Variants in MEA1 observed in about 807,000 individuals in gnomAD.
The protein encoded by MEA1 is Male-enhanced antigen (H-Y structural gene).
In MEA1, 22 loss-of-function variants were observed where a neutral mutation model predicts 21.4. The observed-to-expected ratio is 1.03, with a 90% CI of 0.73 to 1.47. The LOEUF (loss-of-function observed/expected upper bound fraction) is 1.47, where lower values mean the gene tolerates loss of function less well. Ranked by LOEUF, MEA1 falls within the 40% of genes most tolerant of loss-of-function variation. The pLI is 0.00. For missense variants in MEA1, 233 were observed against 230.5 expected, an observed-to-expected ratio of 1.01 and a Z score of -0.07; for synonymous variants, 91 against 85.5, an observed-to-expected ratio of 1.06 and a Z score of -0.35.
chr6:43,011,600 C>A lies in MEA1; in HGVS notation c.*870G>T. On this transcript the variant is annotated 3_prime_UTR_variant, in exon 4 of 4. Transcript: ENST00000244711. The stretch of plus-strand genomic sequence containing the variant: ...CTGAGGCTGCTCTGAGAAGTACACA[C>A]AGGAATACATACGCTCCTCTATTCT... 1 of 432,584 alleles carries A rather than the reference C, an allele frequency of 2.3e-6. No individual in the cohort carries two copies. Among genetic ancestry groups the A allele is most frequent in the Non-Finnish European group, 4.2e-6 (1 of 235,762 alleles). 26.8% of individuals were successfully genotyped at this position (432,584 alleles called of 1,614,324 possible). A position where few individuals can be genotyped will look rare whatever the true frequency, so the allele number is the denominator to read the frequency against.
At chr6:43,012,848 C>G in intron 3 of MEA1, 78 bp downstream of exon 3, 1 of 1,402,468 alleles carries the variant, frequency 7.1e-7, no homozygotes, top group African/African-American at 1.4e-5. Flanking sequence ...TAGGGTCTTC[C>G]TCTGAAACTT....
At position 43,011,327 on chromosome 6, in the gene MEA1, C is replaced by G; in HGVS notation, c.*1143G>C. 1 of 1,611,650 alleles carries G rather than the reference C, an allele frequency of 6.2e-7. No homozygotes were observed. On this transcript the variant is annotated 3_prime_UTR_variant, in exon 4 of 4. Transcript: ENST00000244711. ...CCACAGGGCCACAGCCCACACAGCC[C>G]TGGGACACTGCCCTGGCCCTCCATA...
rs1371179982 is a variant in MEA1, at chr6:43,012,081, C to T, written c.*389G>A. ...AGAAAGAAGGAAGCAGGGAGCGGTG[C>T]CCCAAGCATGGCTCCTGCCAACACC... On this transcript the variant is annotated 3_prime_UTR_variant, in exon 4 of 4. Transcript: ENST00000244711. 2.1e-6 allele frequency: 1 copy of T among 474,198 alleles called. No individual in the cohort carries two copies. Among genetic ancestry groups the T allele is most frequent in the Non-Finnish European group, 2.8e-6 (1 of 360,776 alleles). The allele number at this position is 474,198 out of a possible 1,614,324, so 29.4% of individuals were successfully genotyped here.
chr6:43,012,861 T>G lies in MEA1; in HGVS notation c.406+65A>C, dbSNP rs539840834. Reference sequence around the variant, plus strand: ...GATAGGGTCTTCCTCTGAAACTTCCTTCTACTGACTCATGCCAGTTCATTT... The same window carrying G: ...GATAGGGTCTTCCTCTGAAACTTCCGTCTACTGACTCATGCCAGTTCATTT... On this transcript the variant is annotated intron_variant, in intron 3 of 3. Coordinates refer to ENST00000244711, the MANE Select transcript of MEA1 (RefSeq NM_014623.4). The G allele has an allele frequency of 7.8e-5, 115 of 1,474,442 alleles. 1 individual carries two copies. The South Asian group carries it at 1.2e-3, about 15-fold the overall frequency. The allele number at this position is 1,474,442 out of a possible 1,614,324, so 91.3% of individuals were successfully genotyped here.
Position 43,011,358 on chromosome 6 carries a change from C to A in MEA1, c.*1112G>T. Reference sequence around the variant, plus strand: ...CACTGCCCTGGCCCTCCATACTCTGCTCCCTACTGGCTGTCTTGGGGGAAG... The same window carrying A: ...CACTGCCCTGGCCCTCCATACTCTGATCCCTACTGGCTGTCTTGGGGGAAG... On this transcript the variant is annotated 3_prime_UTR_variant, in exon 4 of 4. Coordinates refer to ENST00000244711, the MANE Select transcript of MEA1 (RefSeq NM_014623.4). 6.3e-7 allele frequency: 1 copy of A among 1,587,870 alleles called. No individual in the cohort carries two copies.
rs1203620492 is a variant in MEA1, at chr6:43,011,485, C to T, written c.*985G>A. ...CTCCCCAAAAGGTGTTCATGCCTCCCTGTGGCTAGTACAGGCTGAGCACTA... is the reference window on the plus strand; with the variant it reads ...CTCCCCAAAAGGTGTTCATGCCTCCTTGTGGCTAGTACAGGCTGAGCACTA... On this transcript the variant is annotated 3_prime_UTR_variant, in exon 4 of 4. Coordinates refer to ENST00000244711, the MANE Select transcript of MEA1 (RefSeq NM_014623.4). The T allele has an allele frequency of 1.3e-5, 9 of 687,228 alleles. No homozygotes were observed. In the African/African-American group the frequency reaches 1.6e-4, roughly 12 times the overall value. 42.6% of individuals were successfully genotyped at this position (687,228 alleles called of 1,614,324 possible).
At position 43,011,328 on chromosome 6, in the gene MEA1, T is replaced by A; in HGVS notation, c.*1142A>T. ...CACAGGGCCACAGCCCACACAGCCC[T>A]GGGACACTGCCCTGGCCCTCCATAC... On this transcript the variant is annotated 3_prime_UTR_variant, in exon 4 of 4. Coordinates refer to ENST00000244711, the MANE Select transcript of MEA1 (RefSeq NM_014623.4). 1 of 1,611,554 alleles carries A rather than the reference T, an allele frequency of 6.2e-7. No homozygotes were observed. The highest frequency in any genetic ancestry group is 1.1e-5 in the South Asian group (1 of 90,930).
upstream of MEA1, among the ~76,000 whole-genome samples, chr6:43,015,176 G>A (rs1019558052): frequency 2.6e-5 from 4 of 152,174 alleles, no homozygotes; most frequent in Admixed American, 1.3e-4. Flanking sequence ...GTCTCCACAA[G>A]CCCAGACCCA....
Position 43,011,373 on chromosome 6 carries a change from C to A in MEA1, c.*1097G>T. 3 of 1,551,520 alleles carry A rather than the reference C, an allele frequency of 1.9e-6. No homozygotes were observed. The highest frequency in any genetic ancestry group is 2.6e-6 in the Non-Finnish European group (3 of 1,141,830). The stretch of plus-strand genomic sequence containing the variant: ...CCATACTCTGCTCCCTACTGGCTGT[C>A]TTGGGGGAAGGCAGCGCCTCTCTAG... On this transcript the variant is annotated 3_prime_UTR_variant, in exon 4 of 4. Coordinates refer to ENST00000244711, the MANE Select transcript of MEA1 (RefSeq NM_014623.4).
upstream of MEA1, among the ~76,000 whole-genome samples, chr6:43,016,082 C>T (rs1486306277): frequency 6.6e-6 from 1 of 151,742 alleles, no homozygotes; most frequent in Non-Finnish European, 1.5e-5. Context: ...ACTACAGGTG[C>T]GCGCCACCGT....
rs771120212 is a variant in MEA1, at chr6:43,013,808, C to A, written c.6G>T (p.Gly2=). 1 of 1,608,716 alleles carries A rather than the reference C, an allele frequency of 6.2e-7. No homozygotes were observed. The highest frequency in any genetic ancestry group is 8.5e-7 in the Non-Finnish European group (1 of 1,178,188). M[G]PERHLSGAPA... is the part of the protein sequence containing the mutation. ...TACCGCCTGACAGATGCCTTTCAGGCCCCATGGGCTCCCCTCAAATGGCCC... is the reference window on the plus strand; with the variant it reads ...TACCGCCTGACAGATGCCTTTCAGGACCCATGGGCTCCCCTCAAATGGCCC... Residue 2 remains glycine, a synonymous_variant, in exon 1 of 4, where the codon GGG becomes GGT. Transcript: ENST00000244711.
Position 43,013,833 on chromosome 6 carries a change from C to T in MEA1, c.-20G>A. The T allele has an allele frequency of 7.5e-6, 12 of 1,593,758 alleles. No individual in the cohort carries two copies. The highest frequency in any genetic ancestry group is 1.1e-5 in the South Asian group (1 of 87,974). On this transcript the variant is annotated 5_prime_UTR_variant, in exon 1 of 4. The change creates a premature stop within an existing upstream ORF in the 5' untranslated region. Transcript: ENST00000244711. ...CCCCATGGGCTCCCCTCAAATGGCC[C>T]CAGCTGCAGCGTCCCCCACCCGCCC...
chr6:43,011,993 C>G lies in MEA1; in HGVS notation c.*477G>C, dbSNP rs745375565. 4.9e-5 allele frequency: 8 copies of G among 164,826 alleles called. No individual in the cohort carries two copies. Among genetic ancestry groups the G allele is most frequent in the Non-Finnish European group, 1.0e-4 (8 of 78,816 alleles). 10.2% of individuals were successfully genotyped at this position (164,826 alleles called of 1,614,324 possible). A position where few individuals can be genotyped will look rare whatever the true frequency, so the allele number is the denominator to read the frequency against. ...CTTTGGTGAGCAGCAGCCCTGGGGTCACAGACATGGAAGGGACCACCCTGG... is the reference window on the plus strand; with the variant it reads ...CTTTGGTGAGCAGCAGCCCTGGGGTGACAGACATGGAAGGGACCACCCTGG... On this transcript the variant is annotated 3_prime_UTR_variant, in exon 4 of 4. Transcript: ENST00000244711.
chr6:43,011,955 CCCCGTG>C lies in MEA1; in HGVS notation c.*509_*514del, dbSNP rs1762370765. 1 of 155,628 alleles carries C rather than the reference CCCCGTG, an allele frequency of 6.4e-6. No homozygotes were observed. The highest frequency in any genetic ancestry group is 6.5e-5 in the Admixed American group (1 of 15,486). The allele number at this position is 155,628 out of a possible 1,614,324, so 9.6% of individuals were successfully genotyped here. On this transcript the variant is annotated 3_prime_UTR_variant, in exon 4 of 4. Coordinates refer to ENST00000244711, the MANE Select transcript of MEA1 (RefSeq NM_014623.4). ...CGGGGAGGGATGAATAAACACCCTA[CCCCGTG>C]CCCTGTCTTTGGTGAGCAGCAGCCC...
chr6:43,012,931 T>A lies in MEA1; in HGVS notation c.401A>T (p.Asp134Val), dbSNP rs943136542. Residue 134 changes from aspartate (D) to valine (V), a missense_variant, in exon 3 of 4, where the codon GAC (aspartate) becomes GTC (valine). Transcript: ENST00000244711. ...ATGAAAGAATGATCTTTTACCTGGG[T>A]CCATGGGAATAGAGCTGTGGTTGTT... is the stretch of plus-strand genomic sequence containing the variant. ...ALNNHSSIPM[D>V]PEHVELVKRT... The A allele has an allele frequency of 6.2e-7, 1 of 1,613,080 alleles. No individual in the cohort carries two copies. The highest frequency in any genetic ancestry group is 1.7e-5 in the Admixed American group (1 of 60,022).
upstream of MEA1, among the ~76,000 whole-genome samples, chr6:43,016,031 G>A (rs554344707): frequency 2.0e-5 from 3 of 151,774 alleles, no homozygotes; most frequent in South Asian, 2.1e-4. Context: ...CGCCACCCGA[G>A]TGCAAGCAAT....
chr6:43,012,201 G>C lies in MEA1; in HGVS notation c.*269C>G, dbSNP rs1326620864. On this transcript the variant is annotated 3_prime_UTR_variant, in exon 4 of 4. Coordinates refer to ENST00000244711, the MANE Select transcript of MEA1 (RefSeq NM_014623.4). ...CAGGGGCTGAGGAAGGCCGGACCCA[G>C]GTTCCAGGGGCGCAGGCAGTGCGGC... The C allele has an allele frequency of 8.6e-7, 1 of 1,157,052 alleles. No homozygotes were observed. The highest frequency in any genetic ancestry group is 1.1e-6 in the Non-Finnish European group (1 of 939,938). The allele number at this position is 1,157,052 out of a possible 1,614,324, so 71.7% of individuals were successfully genotyped here.
chr6:43,015,876 C>T (rs1350466234), upstream of MEA1, among the ~76,000 whole-genome samples: 1 of 140,148 alleles, frequency 7.1e-6, no homozygotes, highest in African/African-American at 3.0e-5. Flanking sequence ...AAAAAAAAGA[C>T]CATGACTTCT....
rs369016134 is a variant in MEA1 at position 43,011,196 on chromosome 6, G to T, written c.*1274C>A. ...AGAAAGTGCTGCTGCGGAGGAAGTCGGAGCTGCCCCAGGACGTGTACACCA... is the reference window on the plus strand; with the variant it reads ...AGAAAGTGCTGCTGCGGAGGAAGTCTGAGCTGCCCCAGGACGTGTACACCA... On this transcript the variant is annotated 3_prime_UTR_variant, in exon 4 of 4. Transcript: ENST00000244711. 6.2e-7 allele frequency: 1 copy of T among 1,614,094 alleles called. No homozygotes were observed. The highest frequency in any genetic ancestry group is 1.1e-5 in the South Asian group (1 of 91,086).
Sources: gnomAD v4.1 joint callset for allele counts (sites outside exome capture counted in the v4.1 genomes callset) on GRCh38, gnomAD v4.1.1 for gene constraint, MANE v1.5 for transcripts, NCBI Gene and HGNC (gene_info 2026-07-23, HGNC 2026-07-21) for gene names.